The following ZPBP variants were observed in gnomAD, a reference collection of about 807,000 sequenced individuals.
The protein encoded by ZPBP is zona pellucida binding protein.
A neutral mutation model predicts 44.8 loss-of-function variants in ZPBP; 26 were observed. The observed-to-expected ratio is 0.58, with a 90% CI of 0.43 to 0.81. ZPBP has a LOEUF of 0.81. Ranked by LOEUF, ZPBP falls within the 30% of genes least tolerant of loss-of-function variation. The probability of loss-of-function intolerance (pLI) is 0.00; values close to 1 mark genes in which losing one functional copy is unlikely to be tolerated. For synonymous variants in ZPBP, 174 were observed against 153.2 expected (o/e 1.14, Z -1.00); for missense variants, 409 against 434.0 (o/e 0.94, Z 0.51).
downstream of ZPBP, among the ~76,000 whole-genome samples, chr7:49,933,178 TACTC>T (rs1794504705): frequency 1.3e-5 from 2 of 152,102 alleles, no homozygotes; most frequent in Non-Finnish European, 1.5e-5. Flanking sequence ...TTAAGGAAAA[TACTC>T]ACTACATATG....
chr7:49,844,922 A>ATGAC, the ZPBP span, among the ~76,000 whole-genome samples: 1 of 152,118 alleles, frequency 6.6e-6, no homozygotes, highest in East Asian at 1.9e-4. Context: ...ACCCCAGGTG[A>ATGAC]TCTGCCCACC....
rs1384297891 is a variant in ZPBP, at chr7:49,969,826, GAGAGAGAGAGAGAGAGAGAAAGAGAA to G, written c.961+13490_961+13515del. On this transcript the variant is annotated intron_variant, in intron 7 of 7. Transcript: ENST00000046087. ...ATGTATATATATATATATAGAGAGA[GAGAGAGAGAGAGAGAGAGAAAGAGAA>G]AGAGAGAGAGAGACAGAGACAGAGA... Among the ~76,000 whole-genome samples, 5 of 76,404 alleles carry G rather than the reference GAGAGAGAGAGAGAGAGAGAAAGAGAA, an allele frequency of 6.5e-5. No homozygotes were observed. In the South Asian group the frequency reaches 1.2e-3, roughly 18 times the overall value. 50.1% of individuals were successfully genotyped at this position (76,404 alleles called of 152,430 possible). A position where few individuals can be genotyped will look rare whatever the true frequency, so the allele number is the denominator to read the frequency against.
chr7:49,980,101 TA>T (rs548534090), intron 7 of ZPBP, among the ~76,000 whole-genome samples: 43 of 101,476 alleles, frequency 4.2e-4, no homozygotes, highest in Admixed American at 1.5e-4. Context: ...ATATTATATA[TA>T]ATTATAATAT....
At chr7:50,028,527 T>G (rs1799440515) in intron 5 of ZPBP, among the ~76,000 whole-genome samples, 1 of 151,800 alleles carries the variant, frequency 6.6e-6, no homozygotes, top group Non-Finnish European at 1.5e-5. Context: ...GGGTGGAAAG[T>G]GTGAAGTAAA....
chr7:50,001,403 T>A (rs529573858), intron 6 of ZPBP, among the ~76,000 whole-genome samples: 2 of 152,248 alleles, frequency 1.3e-5, no homozygotes, highest in East Asian at 3.9e-4. Context: ...TAATTGAACA[T>A]CTTTTCCTTC....
In ZPBP at chr7:49,937,540, T is replaced by C; in HGVS notation, c.1044A>G (p.Lys348=). ...QCNSSLVYGA[K]TCL ...TGAAGATAATGGCTTATAAGCACGT[T>C]TTTGCTCCATACACCAGGCTGCTAT... Residue 348 remains lysine, a synonymous_variant, in exon 8 of 8, where the codon AAA becomes AAG. Coordinates refer to ENST00000046087, the MANE Select transcript of ZPBP (RefSeq NM_007009.3). The C allele has an allele frequency of 6.2e-7, 1 of 1,613,688 alleles. No individual in the cohort carries two copies. Among genetic ancestry groups the C allele is most frequent in the Non-Finnish European group, 8.5e-7 (1 of 1,179,650 alleles).
chr7:49,964,269 A>G (rs1795976099), intron 7 of ZPBP, among the ~76,000 whole-genome samples: 1 of 151,998 alleles, frequency 6.6e-6, no homozygotes. Flanking sequence ...TTTATATTAA[A>G]TATTTACTTA....
intron 6 of ZPBP, among the ~76,000 whole-genome samples, chr7:50,008,671 A>G (rs1798424904): frequency 6.6e-6 from 1 of 151,924 alleles, no homozygotes; most frequent in Non-Finnish European, 1.5e-5. Flanking sequence ...AAGACAGACA[A>G]ACAGACCAAT....
At chr7:49,952,806 A>G (rs1795405013) in intron 7 of ZPBP, among the ~76,000 whole-genome samples, 2 of 152,020 alleles carry the variant, frequency 1.3e-5, no homozygotes, top group South Asian at 2.1e-4. Flanking sequence ...TGTAACATGC[A>G]ATCTGTAGAA....
intron 6 of ZPBP, among the ~76,000 whole-genome samples, chr7:49,987,728 TTGTG>T (rs55971066): frequency 0.17 from 24,107 of 145,376 alleles, 2,291 homozygotes; most frequent in Non-Finnish European, 0.22. Flanking sequence ...TATATATGTG[TTGTG>T]TGTGTGTGTG....
At chr7:50,061,851 A>G (rs1040366409) in intron 3 of ZPBP, among the ~76,000 whole-genome samples, 2 of 152,200 alleles carry the variant, frequency 1.3e-5, no homozygotes, top group African/African-American at 2.4e-5. Flanking sequence ...CAGAGATCAC[A>G]CCACTGCACT....
chr7:50,028,508 A>G (rs1397180018), intron 5 of ZPBP, among the ~76,000 whole-genome samples: 2 of 152,040 alleles, frequency 1.3e-5, no homozygotes, highest in African/African-American at 2.4e-5. Flanking sequence ...AAGGTGTAAA[A>G]TGTATCCAGG....
chr7:50,082,025 T>C, intron 2 of ZPBP, 126 bp from the exon 3 acceptor site: 1 of 1,096,710 alleles, frequency 9.1e-7, no homozygotes, highest in Non-Finnish European at 1.3e-6. Context: ...CTCCTATTAC[T>C]TGATAAAAAC....
chr7:50,059,155 T>G (rs1801122121), intron 3 of ZPBP, among the ~76,000 whole-genome samples: 1 of 152,250 alleles, frequency 6.6e-6, no homozygotes, highest in Admixed American at 6.5e-5. Flanking sequence ...CTGAAAGTAC[T>G]ACATCAGGAA....
intron 3 of ZPBP, among the ~76,000 whole-genome samples, chr7:50,066,846 C>T (rs1801528727): frequency 6.6e-6 from 1 of 152,092 alleles, no homozygotes; most frequent in Admixed American, 6.5e-5. Context: ...TTGTCCTTAC[C>T]AGTGGCTGGG....
At chr7:49,994,374 G>A (rs1484283122) in intron 6 of ZPBP, among the ~76,000 whole-genome samples, 1 of 152,170 alleles carries the variant, frequency 6.6e-6, no homozygotes, top group Non-Finnish European at 1.5e-5. Context: ...GGAGAGAGAA[G>A]CAGTGCAGCA....
At chr7:49,948,856 C>T (rs1795212904) in intron 7 of ZPBP, among the ~76,000 whole-genome samples, 1 of 152,016 alleles carries the variant, frequency 6.6e-6, no homozygotes, top group Non-Finnish European at 1.5e-5. Context: ...ATCAGCAATC[C>T]CATTTCTGGG....
intron 4 of ZPBP, among the ~76,000 whole-genome samples, chr7:50,037,697 G>T (rs1799884467): frequency 6.6e-6 from 1 of 152,260 alleles, no homozygotes; most frequent in East Asian, 1.9e-4. Flanking sequence ...TTAAACATGA[G>T]ATTTAGGTGG....
At chr7:49,944,089 T>G in intron 7 of ZPBP, 1 of 229,752 alleles carries the variant, frequency 4.4e-6, no homozygotes, top group South Asian at 6.3e-5. Flanking sequence ...GAAGAGACAT[T>G]GGTAACTTGC....
Sources: allele counts gnomAD v4.1 joint callset (sites outside exome capture counted in the v4.1 genomes callset), GRCh38; gene constraint gnomAD v4.1.1; transcripts MANE v1.5; gene names NCBI Gene and HGNC (gene_info 2026-07-23, HGNC 2026-07-21).